The following RORA variants were observed in gnomAD, a reference collection of about 807,000 sequenced individuals.
The protein encoded by RORA is nuclear receptor ROR-alpha.
In RORA, 7 loss-of-function variants were observed where a neutral mutation model predicts 69.5. The ratio of observed to expected loss-of-function variants is 0.10; its 90% CI spans 0.06 to 0.19. RORA has a LOEUF of 0.19. RORA is among the 10% of genes least tolerant of loss of function. The pLI is 1.00. For missense variants in RORA, 457 were observed against 663.0 expected, an observed-to-expected ratio of 0.69 and a Z score of 3.41; for synonymous variants, 261 against 240.8, an observed-to-expected ratio of 1.08 and a Z score of -0.78.
chr15:60,517,818 A>G (rs1003723775), intron 3 of RORA, among the ~76,000 whole-genome samples: 2 of 152,198 alleles, frequency 1.3e-5, no homozygotes, highest in South Asian at 2.1e-4. Context: ...TAAGCCTGCT[A>G]CAGTTTCTTG....
At chr15:61,029,147 A>T (rs80122532) in intron 1 of RORA, among the ~76,000 whole-genome samples, 1 of 147,356 alleles carries the variant, frequency 6.8e-6, no homozygotes, top group East Asian at 2.0e-4. Context: ...TCTGTGAATT[A>T]AAAAAAAAAA....
In RORA at chr15:60,910,904, G is replaced by GTTT. The variant is rs35069957; in HGVS notation, c.167-232221_167-232219dup. 3.0e-3 allele frequency among the ~76,000 whole-genome samples: 375 copies of GTTT among 125,212 alleles called. 5 individuals are homozygous for GTTT. The highest frequency in any genetic ancestry group is 5.2e-3 in the Non-Finnish European group (314 of 60,922). 82.1% of individuals were successfully genotyped at this position (125,212 alleles called of 152,430 possible). A position where few individuals can be genotyped will look rare whatever the true frequency, so the allele number is the denominator to read the frequency against. The stretch of plus-strand genomic sequence containing the variant: ...TTTTTTTGTTGTTGTTGTTTTTTGG[G>GTTT]TTTTTTTTTTTTTTTTGAGATGGAG... On this transcript the variant is annotated intron_variant, in intron 1 of 10. Coordinates refer to ENST00000335670, the MANE Select transcript of RORA (RefSeq NM_134261.3).
At chr15:60,680,491 C>T (rs567376958) in intron 1 of RORA, among the ~76,000 whole-genome samples, 1 of 151,880 alleles carries the variant, frequency 6.6e-6, no homozygotes, top group South Asian at 2.1e-4. Flanking sequence ...GAAAATCTTC[C>T]CAAGAAAGCT....
At position 61,037,036 on chromosome 15, in the gene RORA, A is replaced by G. The variant is rs1305064085; in HGVS notation, c.166+192017T>C. Among the ~76,000 whole-genome samples, 5 of 152,300 alleles carry G rather than the reference A, an allele frequency of 3.3e-5. No individual in the cohort carries two copies. In the East Asian group the frequency reaches 9.7e-4, roughly 29 times the overall value. ...CTTTTGTCAGGCGGCAACAGGGTAGATAGCTTAAGAATGGGGTAGGAAGCT... is the reference window on the plus strand; with the variant it reads ...CTTTTGTCAGGCGGCAACAGGGTAGGTAGCTTAAGAATGGGGTAGGAAGCT... On this transcript the variant is annotated intron_variant, in intron 1 of 10. Coordinates refer to ENST00000335670, the MANE Select transcript of RORA (RefSeq NM_134261.3).
chr15:60,518,517 C>T (rs955961726), intron 3 of RORA, among the ~76,000 whole-genome samples: 2 of 152,210 alleles, frequency 1.3e-5, no homozygotes, highest in African/African-American at 2.4e-5. Flanking sequence ...CAGCAAACAA[C>T]CTGCTGTCAG....
At chr15:60,626,885 C>T (rs1325186023) in intron 2 of RORA, among the ~76,000 whole-genome samples, 3 of 152,190 alleles carry the variant, frequency 2.0e-5, no homozygotes, top group Non-Finnish European at 4.4e-5. Context: ...GCACCTTCTA[C>T]AGAGGGATTC....
chr15:60,593,001 C>T (rs1293807541), intron 2 of RORA: 8 of 452,012 alleles, frequency 1.8e-5, no homozygotes, highest in South Asian at 1.3e-4. Context: ...GAGCTACGGT[C>T]ACCCGCATTT....
chr15:60,594,496 C>T (rs1388999996), intron 2 of RORA, among the ~76,000 whole-genome samples: 1 of 152,238 alleles, frequency 6.6e-6, no homozygotes, highest in African/African-American at 2.4e-5. Context: ...AGATATACAA[C>T]TCGGATGATT....
At chr15:60,703,126 A>AACACACACACACAC (rs33962963) in intron 1 of RORA, among the ~76,000 whole-genome samples, 10 of 145,576 alleles carry the variant, frequency 6.9e-5, no homozygotes, top group East Asian at 2.0e-4. Flanking sequence ...GCTTCAGATT[A>AACACACACACACAC]ACACACACAC....
chr15:60,689,715 G>C (rs1336235192), intron 1 of RORA, among the ~76,000 whole-genome samples: 1 of 152,166 alleles, frequency 6.6e-6, no homozygotes, highest in East Asian at 1.9e-4. Flanking sequence ...AGAGGAAGGA[G>C]AGGGAGATGT....
At chr15:61,078,329 C>CTGTGTATGTG (rs1555408613) in intron 1 of RORA, among the ~76,000 whole-genome samples, 2 of 133,182 alleles carry the variant, frequency 1.5e-5, no homozygotes, top group Non-Finnish European at 3.2e-5. Context: ...ACACCTGGCT[C>CTGTGTATGTG]TGTGTGTGTG....
chr15:60,532,991 G>T (rs1049057910), intron 2 of RORA, among the ~76,000 whole-genome samples: 31 of 152,140 alleles, frequency 2.0e-4, no homozygotes. Flanking sequence ...CATAGTGTAA[G>T]TACCACACAG....
chr15:60,670,940 C>T (rs1382023146), intron 2 of RORA, among the ~76,000 whole-genome samples: 2 of 151,856 alleles, frequency 1.3e-5, no homozygotes, highest in Non-Finnish European at 2.9e-5. Context: ...CGTTTTTATT[C>T]CTCTGCGTAC....
At chr15:60,674,531 G>T (rs1279068864) in intron 2 of RORA, among the ~76,000 whole-genome samples, 2 of 152,104 alleles carry the variant, frequency 1.3e-5, no homozygotes, top group Non-Finnish European at 2.9e-5. Flanking sequence ...TTTTTAAAAT[G>T]GATGCAAAAG....
chr15:60,966,208 T>C (rs937995057), intron 1 of RORA, among the ~76,000 whole-genome samples: 4 of 152,226 alleles, frequency 2.6e-5, no homozygotes, highest in Non-Finnish European at 4.4e-5. Flanking sequence ...CCTGCTGGAT[T>C]AGCACCTACC....
Position 60,495,564 on chromosome 15 carries a change from A to AACCT in RORA, c.*1887_*1890dup, listed in dbSNP as rs1295152059. 6.6e-6 allele frequency: 1 copy of AACCT among 152,220 alleles called. No homozygotes were observed. The highest frequency in any genetic ancestry group is 1.5e-5 in the Non-Finnish European group (1 of 68,038). The allele number at this position is 152,220 out of a possible 1,614,324, so 9.4% of individuals were successfully genotyped here. On this transcript the variant is annotated 3_prime_UTR_variant, in exon 11 of 11. Transcript: ENST00000335670. ...AGTGCTCTGGGAAGCCCATGCTGGT[A>AACCT]ACCTAGCATGACGTGAAGAGCTGCA...
At chr15:61,042,851 C>T (rs568806511) in intron 1 of RORA, among the ~76,000 whole-genome samples, 15 of 152,234 alleles carry the variant, frequency 9.9e-5, no homozygotes, top group South Asian at 4.2e-4. Context: ...ATTTTTCTTA[C>T]GGAAATAGAA....
intron 1 of RORA, among the ~76,000 whole-genome samples, chr15:60,912,045 G>A (rs1001411159): frequency 1.3e-5 from 2 of 152,102 alleles, no homozygotes; most frequent in African/African-American, 4.8e-5. Flanking sequence ...CAGAGGTGGA[G>A]AAAGGGCACA....
At chr15:60,760,463 G>A (rs2071869706) in intron 1 of RORA, among the ~76,000 whole-genome samples, 3 of 152,156 alleles carry the variant, frequency 2.0e-5, no homozygotes, top group Admixed American at 2.0e-4. Flanking sequence ...CAGTCTTTTT[G>A]TGAGAACTTT....
Sources: allele counts gnomAD v4.1 joint callset (sites outside exome capture counted in the v4.1 genomes callset), GRCh38; gene constraint gnomAD v4.1.1; transcripts MANE v1.5; gene names NCBI Gene and HGNC (gene_info 2026-07-23, HGNC 2026-07-21).